Variants in IQCE observed in about 807,000 individuals in gnomAD.
IQCE encodes IQ motif containing E, also known as IQ domain-containing protein E.
Under a neutral mutation model 96.0 loss-of-function variants are expected in IQCE, and 115 were observed. The ratio of observed to expected loss-of-function variants is 1.20; its 90% CI spans 1.03 to 1.40. IQCE has a LOEUF of 1.40. Ranked by LOEUF, IQCE falls within the 40% of genes most tolerant of loss-of-function variation. The probability of loss-of-function intolerance (pLI) is 0.00; values close to 1 mark genes in which losing one functional copy is unlikely to be tolerated. For synonymous variants in IQCE, 412 were observed against 371.2 expected (o/e 1.11, Z -1.26); for missense variants, 1,041 against 909.1 (o/e 1.15, Z -1.87).
intron 13 of IQCE, 76 bp downstream of exon 13, chr7:2,587,953 G>T: frequency 1.5e-6 from 2 of 1,364,550 alleles, no homozygotes; most frequent in Non-Finnish European, 1.0e-6. Flanking sequence ...ACAGGGTGCG[G>T]AAGGTGGCGC....
At chr7:2,588,302 G>A (rs1051568269) in intron 13 of IQCE, among the ~76,000 whole-genome samples, 1 of 152,164 alleles carries the variant, frequency 6.6e-6, no homozygotes, top group Non-Finnish European at 1.5e-5. Context: ...TGCAAAGTAG[G>A]AATTAGGCTG....
rs1324912932 is a variant in IQCE, at chr7:2,586,374, A to G, written c.988+3A>G. ...CCCAACCATCTCCAAGACACAGGGT[A>G]CCTTCCTGAAAGCCACTCCAGGAGG... is the stretch of plus-strand genomic sequence containing the variant. On this transcript the variant is annotated splice_donor_region_variant and intron_variant, in intron 12 of 21. Transcript: ENST00000402050. The G allele has an allele frequency of 6.2e-7, 1 of 1,608,310 alleles. No individual in the cohort carries two copies. The highest frequency in any genetic ancestry group is 8.5e-7 in the Non-Finnish European group (1 of 1,178,580).
rs761877942 is a variant in IQCE, at chr7:2,578,224, G to C, written c.466-18G>C. On this transcript the variant is annotated intron_variant, in intron 6 of 21. Coordinates refer to ENST00000402050, the MANE Select transcript of IQCE (RefSeq NM_152558.5). ...CAGCTTCGTGTGGATGGCTGTGCAT[G>C]GCCCTTGTTTTCTTCAGTCATTGCA... 6.3e-7 allele frequency: 1 copy of C among 1,587,412 alleles called. No homozygotes were observed. The highest frequency in any genetic ancestry group is 1.7e-5 in the Admixed American group (1 of 59,942).
chr7:2,608,202 A>C (rs1784960622), intron 21 of IQCE, among the ~76,000 whole-genome samples: 3 of 152,190 alleles, frequency 2.0e-5, no homozygotes, highest in South Asian at 4.1e-4. Flanking sequence ...GTACCACTCC[A>C]GTAAGTGTGG....
rs1783731460 is a variant in IQCE, at chr7:2,593,043, G to A, written c.1266G>A (p.Leu422=). Residue 422 remains leucine (L), a synonymous_variant, in exon 15 of 22, where the codon CTG becomes CTA. Coordinates refer to ENST00000402050, the MANE Select transcript of IQCE (RefSeq NM_152558.5). ...GCAGTTTGGAGGTGAAGCAGCTCCTGCAGGCGAAGGCCGACCTGGAGAAGG... is the reference window on the plus strand; with the variant it reads ...GCAGTTTGGAGGTGAAGCAGCTCCTACAGGCGAAGGCCGACCTGGAGAAGG... ...LQRDLEVKQL[L]QAKADLEKEL... 1.2e-6 allele frequency: 2 copies of A among 1,608,716 alleles called. No homozygotes were observed. Among genetic ancestry groups the A allele is most frequent in the Non-Finnish European group, 1.7e-6 (2 of 1,175,690 alleles).
intron 1 of IQCE, among the ~76,000 whole-genome samples, chr7:2,562,285 C>CAT (rs59044593): frequency 0.028 from 4,025 of 146,246 alleles, 189 homozygotes; most frequent in African/African-American, 0.093. Context: ...AATTAGGGTA[C>CAT]ATATATATAT....
At position 2,594,957 on chromosome 7, in the gene IQCE, G is replaced by A; in HGVS notation, c.1421G>A (p.Cys474Tyr). The change falls in exon 16 of 22, where the codon TGC (cysteine) becomes TAC (tyrosine). Residue 474 changes from cysteine to tyrosine, a missense_variant. Cys to Tyr is a radical substitution (Grantham distance 194). Coordinates refer to ENST00000402050, the MANE Select transcript of IQCE (RefSeq NM_152558.5). ...ATGAAGAAAGAAGAGAAAGAGGATT[G>A]CCCGGAAGTTCCTCATAAGGTACAG... ...QEMKKEEKED[C>Y]PEVPHKAQEL... 6.2e-7 allele frequency: 1 copy of A among 1,613,062 alleles called. No individual in the cohort carries two copies. The highest frequency in any genetic ancestry group is 8.5e-7 in the Non-Finnish European group (1 of 1,179,066).
chr7:2,577,288 C>T (rs1447256066), intron 6 of IQCE, among the ~76,000 whole-genome samples: 3 of 151,404 alleles, frequency 2.0e-5, no homozygotes, highest in South Asian at 2.1e-4. Flanking sequence ...TGCGCAGTGG[C>T]GTGTGCTTGG....
At chr7:2,585,689 G>T (rs1456945616) in intron 11 of IQCE, among the ~76,000 whole-genome samples, 1 of 152,250 alleles carries the variant, frequency 6.6e-6, no homozygotes, top group Admixed American at 6.5e-5. Context: ...AGCCCCAGCT[G>T]GGAACGTGCG....
At position 2,603,592 on chromosome 7, in the gene IQCE, C is replaced by T. The variant is rs909695770; in HGVS notation, c.1633-1289C>T. On this transcript the variant is annotated intron_variant, in intron 18 of 21. Transcript: ENST00000402050. ...TTGCCAGTGTGTGCGCAGTGTGTGG[C>T]GTGACGGAGATGCGTGCCCCTCTCA... 4.1e-4 allele frequency among the ~76,000 whole-genome samples: 62 copies of T among 152,278 alleles called. 1 individual carries two copies. Among genetic ancestry groups the T allele is most frequent in the African/African-American group, 1.2e-3 (49 of 41,562 alleles).
intron 18 of IQCE, among the ~76,000 whole-genome samples, chr7:2,603,064 GAC>G (rs1285165146): frequency 6.6e-6 from 1 of 152,124 alleles, no homozygotes; most frequent in Non-Finnish European, 1.5e-5. Context: ...CTGCCCCACA[GAC>G]ACACCCTTGT....
At chr7:2,561,968 TTGC>T (rs1410152161) in intron 1 of IQCE, among the ~76,000 whole-genome samples, 2 of 152,242 alleles carry the variant, frequency 1.3e-5, no homozygotes, top group Non-Finnish European at 2.9e-5. Flanking sequence ...CAGCCTTGTC[TTGC>T]TGCTGCTATT....
chr7:2,579,813 G>C (rs1306238153), intron 8 of IQCE, among the ~76,000 whole-genome samples: 1 of 151,578 alleles, frequency 6.6e-6, no homozygotes, highest in Non-Finnish European at 1.5e-5. Context: ...GCAGGATCAT[G>C]GCTCACTGCA....
At chr7:2,561,584 C>T (rs754051537) in intron 1 of IQCE, among the ~76,000 whole-genome samples, 14 of 152,030 alleles carry the variant, frequency 9.2e-5, no homozygotes, top group African/African-American at 3.4e-4. Context: ...CCATGCCCGG[C>T]TAATTTTTTT....
chr7:2,592,627 C>T (rs2128460831), intron 14 of IQCE, among the ~76,000 whole-genome samples: 1 of 152,364 alleles, frequency 6.6e-6, no homozygotes, highest in African/African-American at 2.4e-5. Flanking sequence ...AGCTGGAGCC[C>T]CGCACAGGCA....
rs780193223 is a variant in IQCE at position 2,583,686 on chromosome 7, G to T, written c.751G>T (p.Ala251Ser). The stretch of plus-strand genomic sequence containing the variant: ...TACCAACCTGGAAGAGATGCGGATC[G>T]CCATGGAGACATACTACGAGGAGGT... Reference protein sequence around the residue: ...KTTNLEEMRIAMETYYEEVHR... With the variant: ...KTTNLEEMRISMETYYEEVHR... Residue 251 changes from alanine to serine, a missense_variant, in exon 10 of 22, where the codon GCC becomes TCC. Ala to Ser is a moderately conservative substitution (Grantham distance 99). Coordinates refer to ENST00000402050, the MANE Select transcript of IQCE (RefSeq NM_152558.5). The T allele has an allele frequency of 7.0e-6, 11 of 1,569,754 alleles. No individual in the cohort carries two copies.
At position 2,559,179 on chromosome 7, in the gene IQCE, A is replaced by G; in HGVS notation, c.-3A>G. 8.4e-7 allele frequency: 1 copy of G among 1,187,378 alleles called. No homozygotes were observed. The highest frequency in any genetic ancestry group is 1.0e-6 in the Non-Finnish European group (1 of 959,896). 73.6% of individuals were successfully genotyped at this position (1,187,378 alleles called of 1,614,324 possible). ...TGAGGGGCGGCCGGGCAGCGCCGCCACCATGTTCCTGGGCACCGGGGAGCC... is the reference window on the plus strand; with the variant it reads ...TGAGGGGCGGCCGGGCAGCGCCGCCGCCATGTTCCTGGGCACCGGGGAGCC... On this transcript the variant is annotated 5_prime_UTR_variant, in exon 1 of 22. Transcript: ENST00000402050.
intron 6 of IQCE, among the ~76,000 whole-genome samples, chr7:2,575,355 G>C (rs541584053): frequency 6.6e-6 from 1 of 152,356 alleles, no homozygotes; most frequent in African/African-American, 2.4e-5. Flanking sequence ...TGGGAGTTCA[G>C]GCCCCTCACT....
At chr7:2,601,414 A>AT (rs543839721) in intron 17 of IQCE, 27 bp from the exon 18 acceptor site, 15 of 1,442,366 alleles carry the variant, frequency 1.0e-5, no homozygotes, top group Admixed American at 1.8e-5. Context: ...TAATTCATGT[A>AT]TTTTTTCTTT....
Sources: allele counts gnomAD v4.1 joint callset (sites outside exome capture counted in the v4.1 genomes callset), GRCh38; gene constraint gnomAD v4.1.1; transcripts MANE v1.5; gene names NCBI Gene and HGNC (gene_info 2026-07-23, HGNC 2026-07-21).